Variants in PDSS2 observed in about 807,000 individuals in gnomAD.
PDSS2 encodes the protein all trans-polyprenyl-diphosphate synthase PDSS2.
A neutral mutation model predicts 44.5 loss-of-function variants in PDSS2; 31 were observed. That is an observed-to-expected ratio of 0.70 (90% confidence interval 0.52 to 0.94). PDSS2 has a LOEUF of 0.94. Among genes scored for constraint, PDSS2 ranks in the 40% least tolerant of loss-of-function variants. PDSS2 has a pLI of 0.00. For synonymous variants in PDSS2, 157 were observed against 180.3 expected (o/e 0.87, Z 1.03); for missense variants, 452 against 482.2 (o/e 0.94, Z 0.59).
intron 4 of PDSS2, among the ~76,000 whole-genome samples, chr6:107,219,351 A>G (rs1180034102): frequency 3.3e-5 from 5 of 152,028 alleles, no homozygotes; most frequent in Non-Finnish European, 7.4e-5. Context: ...GCAGTGGCGC[A>G]ATCTCGGCTC....
At chr6:107,307,550 G>A (rs1433543793) in intron 2 of PDSS2, among the ~76,000 whole-genome samples, 1 of 150,946 alleles carries the variant, frequency 6.6e-6, no homozygotes, top group Non-Finnish European at 1.5e-5. Context: ...ACAGGCAGTT[G>A]AGAGGGTGGC....
intron 2 of PDSS2, among the ~76,000 whole-genome samples, chr6:107,298,724 G>C (rs1776594149): frequency 6.6e-6 from 1 of 152,186 alleles, no homozygotes; most frequent in Non-Finnish European, 1.5e-5. Flanking sequence ...TTTTAGTAAA[G>C]AGTTTGAAAT....
At chr6:107,436,311 G>A (rs1259240082) in intron 1 of PDSS2, among the ~76,000 whole-genome samples, 1 of 152,138 alleles carries the variant, frequency 6.6e-6, no homozygotes, top group African/African-American at 2.4e-5. Context: ...CAGTAGTAAT[G>A]AGCAACATGA....
chr6:107,314,366 T>C (rs1582929485), intron 2 of PDSS2, among the ~76,000 whole-genome samples: 2 of 152,174 alleles, frequency 1.3e-5, no homozygotes, highest in Admixed American at 6.5e-5. Flanking sequence ...AGACATTTTA[T>C]ATACATATAT....
chr6:107,424,754 G>C (rs1038962218), intron 1 of PDSS2, among the ~76,000 whole-genome samples: 1 of 152,188 alleles, frequency 6.6e-6, no homozygotes, highest in Non-Finnish European at 1.5e-5. Flanking sequence ...AGAAATTAGA[G>C]ACCTCATTGG....
chr6:107,381,541 C>T (rs1779455958), intron 1 of PDSS2, among the ~76,000 whole-genome samples: 1 of 152,094 alleles, frequency 6.6e-6, no homozygotes, highest in African/African-American at 2.4e-5. Flanking sequence ...TTAAACAAGA[C>T]AGGAAGTATA....
At chr6:107,249,201 A>G (rs1774730091) in intron 3 of PDSS2, among the ~76,000 whole-genome samples, 1 of 152,234 alleles carries the variant, frequency 6.6e-6, no homozygotes, top group African/African-American at 2.4e-5. Flanking sequence ...AGAATCTGGA[A>G]CATAAGTTTC....
intron 1 of PDSS2, among the ~76,000 whole-genome samples, chr6:107,404,401 T>G (rs1232717611): frequency 6.6e-6 from 1 of 152,222 alleles, no homozygotes; most frequent in African/African-American, 2.4e-5. Flanking sequence ...TTTGGGTATC[T>G]TTACAGCAGC....
At chr6:107,287,385 G>C (rs1470554788) in intron 2 of PDSS2, among the ~76,000 whole-genome samples, 2 of 152,044 alleles carry the variant, frequency 1.3e-5, no homozygotes, top group Non-Finnish European at 2.9e-5. Context: ...TACTGTATTG[G>C]ACCTTAAGTT....
At chr6:107,277,782 G>A (rs1304998081) in intron 2 of PDSS2, among the ~76,000 whole-genome samples, 2 of 151,882 alleles carry the variant, frequency 1.3e-5, no homozygotes, top group African/African-American at 2.4e-5. Context: ...GTGAAACCCC[G>A]TCTCTACTAA....
rs960897905 is a variant in PDSS2 at position 107,420,486 on chromosome 6, T to G, written c.296+38504A>C. Among the ~76,000 whole-genome samples, 3 of 152,154 alleles carry G rather than the reference T, an allele frequency of 2.0e-5. 1 individual carries two copies. Among genetic ancestry groups the G allele is most frequent in the Non-Finnish European group, 4.4e-5 (3 of 68,032 alleles). On this transcript the variant is annotated intron_variant, in intron 1 of 7. Coordinates refer to ENST00000369037, the MANE Select transcript of PDSS2 (RefSeq NM_020381.4). Reference sequence around the variant, plus strand: ...TAGTATTGGCAGAAGAAAAGACAAATAGACCAATGGAACAGAGAATCCAGA... The same window carrying G: ...TAGTATTGGCAGAAGAAAAGACAAAGAGACCAATGGAACAGAGAATCCAGA...
intron 1 of PDSS2, among the ~76,000 whole-genome samples, chr6:107,446,323 A>G: frequency 6.6e-6 from 1 of 152,118 alleles, no homozygotes; most frequent in Non-Finnish European, 1.5e-5. Flanking sequence ...TAAAAAAAAA[A>G]GAAAAAAAAG....
chr6:107,267,308 T>C (rs2114911992), intron 3 of PDSS2, among the ~76,000 whole-genome samples: 2 of 152,258 alleles, frequency 1.3e-5, no homozygotes, highest in Middle Eastern at 6.8e-3. Context: ...CAGCTCAAGG[T>C]GTCCAGACAC....
At chr6:107,204,507 C>T (rs1397179140) in intron 6 of PDSS2, among the ~76,000 whole-genome samples, 4 of 152,082 alleles carry the variant, frequency 2.6e-5, no homozygotes, top group Admixed American at 2.0e-4. Context: ...CTGATACTAC[C>T]CTATGTTTTT....
chr6:107,200,454 C>T (rs1772730466), intron 6 of PDSS2, among the ~76,000 whole-genome samples: 1 of 152,144 alleles, frequency 6.6e-6, no homozygotes, highest in Admixed American at 6.5e-5. Flanking sequence ...CCATAGCCTA[C>T]CCCTGTGATT....
At chr6:107,422,068 C>A in intron 1 of PDSS2, among the ~76,000 whole-genome samples, 1 of 147,420 alleles carries the variant, frequency 6.8e-6, no homozygotes. Flanking sequence ...TCAGCAAAAA[C>A]CTATAAAATT....
intron 1 of PDSS2, among the ~76,000 whole-genome samples, chr6:107,434,192 A>T (rs992816025): frequency 1.3e-5 from 2 of 152,224 alleles, no homozygotes; most frequent in Non-Finnish European, 2.9e-5. Flanking sequence ...GGAAAACAGT[A>T]CGCAAGTTCC....
intron 7 of PDSS2, among the ~76,000 whole-genome samples, chr6:107,168,383 A>G (rs1771433049): frequency 2.0e-5 from 3 of 151,950 alleles, no homozygotes; most frequent in African/African-American, 7.3e-5. Context: ...TGCATGTGAG[A>G]TGGGTTTCCT....
intron 3 of PDSS2, among the ~76,000 whole-genome samples, chr6:107,271,739 G>T (rs1775605187): frequency 6.6e-6 from 1 of 152,088 alleles, no homozygotes; most frequent in Non-Finnish European, 1.5e-5. Context: ...AGTTATTTCT[G>T]GTATCTTTCA....
Sources: allele counts gnomAD v4.1 joint callset (sites outside exome capture counted in the v4.1 genomes callset), GRCh38; gene constraint gnomAD v4.1.1; transcripts MANE v1.5; gene names NCBI Gene and HGNC (gene_info 2026-07-23, HGNC 2026-07-21).